Variants in CPS1 observed in about 807,000 individuals in gnomAD.
The protein encoded by CPS1 is carbamoyl-phosphate synthase [ammonia], mitochondrial.
A neutral mutation model predicts 174.6 loss-of-function variants in CPS1; 109 were observed. The observed-to-expected ratio is 0.62, with a 90% CI of 0.53 to 0.73. The LOEUF (loss-of-function observed/expected upper bound fraction) is 0.73, where lower values mean the gene tolerates loss of function less well. Among genes scored for constraint, CPS1 ranks in the 30% least tolerant of loss-of-function variants. The pLI is 0.00. For missense variants in CPS1, 1,689 were observed against 1,821.9 expected (o/e 0.93, Z 1.33); for synonymous variants, 637 against 632.0 (o/e 1.01, Z -0.12).
intron 1 of CPS1, among the ~76,000 whole-genome samples, chr2:210,522,852 ACT>A (rs1193983665): frequency 6.6e-6 from 1 of 151,950 alleles, no homozygotes; most frequent in Admixed American, 6.6e-5. Context: ...AGGTAAAAGT[ACT>A]CTGTTGTATT....
At chr2:210,485,737 A>C (rs1412513865) in intron 1 of CPS1, among the ~76,000 whole-genome samples, 1 of 152,178 alleles carries the variant, frequency 6.6e-6, no homozygotes, top group East Asian at 1.9e-4. Flanking sequence ...AGCTACAAGT[A>C]ACATGTTCAT....
chr2:210,501,293 C>T (rs1695132834), intron 1 of CPS1, among the ~76,000 whole-genome samples: 5 of 152,154 alleles, frequency 3.3e-5, no homozygotes, highest in Admixed American at 2.0e-4. Flanking sequence ...ACATTCTGCT[C>T]CTTGTTACTT....
intron 1 of CPS1, among the ~76,000 whole-genome samples, chr2:210,487,901 A>G (rs1694770818): frequency 2.0e-5 from 3 of 152,302 alleles, no homozygotes. Flanking sequence ...ACACAATACT[A>G]GAGTTTCAAA....
intron 29 of CPS1, among the ~76,000 whole-genome samples, chr2:210,655,879 T>A (rs1421268644): frequency 6.6e-6 from 1 of 152,218 alleles, no homozygotes; most frequent in Non-Finnish European, 1.5e-5. Context: ...ACACATATTA[T>A]TAACATATAG....
chr2:210,565,271 A>T (rs986521657), intron 1 of CPS1, among the ~76,000 whole-genome samples: 2 of 152,110 alleles, frequency 1.3e-5, no homozygotes, highest in Non-Finnish European at 2.9e-5. Context: ...ACTAGGCCGT[A>T]GAGACTAGTA....
intron 1 of CPS1, among the ~76,000 whole-genome samples, chr2:210,482,407 A>G (rs1037914244): frequency 1.3e-5 from 2 of 151,696 alleles, no homozygotes; most frequent in African/African-American, 4.8e-5. Flanking sequence ...GGTTCCAGCA[A>G]TTCTCCCACC....
chr2:210,571,966 G>T (rs1697514059), intron 1 of CPS1, among the ~76,000 whole-genome samples: 1 of 151,088 alleles, frequency 6.6e-6, no homozygotes, highest in Admixed American at 6.6e-5. Flanking sequence ...AGGCACTTTG[G>T]CCTCAGTCCT....
intron 5 of CPS1, among the ~76,000 whole-genome samples, chr2:210,581,248 G>A (rs917169945): frequency 2.0e-5 from 3 of 152,118 alleles, no homozygotes; most frequent in Non-Finnish European, 4.4e-5. Context: ...TTGGCAGGTT[G>A]AATAAAATAT....
chr2:210,574,297 A>G (rs901314659), intron 2 of CPS1, among the ~76,000 whole-genome samples: 2 of 152,036 alleles, frequency 1.3e-5, no homozygotes, highest in African/African-American at 2.4e-5. Context: ...ATTCAATCCA[A>G]CTAGTATTCT....
At chr2:210,660,811 A>G (rs1397880543) in intron 32 of CPS1, among the ~76,000 whole-genome samples, 156 bp downstream of exon 32, 2 of 152,246 alleles carry the variant, frequency 1.3e-5, no homozygotes, top group Non-Finnish European at 2.9e-5. Flanking sequence ...CAGTTGTACT[A>G]TAGGCAACTT....
At position 210,582,672 on chromosome 2, in the gene CPS1, C is replaced by A; in HGVS notation, c.584C>A (p.Pro195Gln). The A allele has an allele frequency of 6.8e-6, 11 of 1,613,220 alleles. No individual in the cohort carries two copies. Among genetic ancestry groups the A allele is most frequent in the Non-Finnish European group, 9.3e-6 (11 of 1,179,460 alleles). The change falls in exon 6 of 38, where the codon CCA becomes CAA. Residue 195 changes from proline to glutamine, a missense_variant. By Grantham distance (76) the Pro-to-Gln change is moderately conservative. Transcript: ENST00000233072. ...GGTCAGCCTGTGGATTTTGTGGATC[C>A]AAATAAACAGAATTTGATTGCTGAG... ...FEGQPVDFVD[P>Q]NKQNLIAEVS...
intron 28 of CPS1, among the ~76,000 whole-genome samples, chr2:210,652,259 G>A (rs1700580999): frequency 6.6e-6 from 1 of 152,200 alleles, no homozygotes; most frequent in Admixed American, 6.5e-5. Context: ...TGCAGAAGTA[G>A]TCAGGGACCA....
At chr2:210,573,273 A>G in intron 1 of CPS1, 25 bp from the exon 2 acceptor site, 1 of 1,577,242 alleles carries the variant, frequency 6.3e-7, no homozygotes, top group Non-Finnish European at 8.7e-7. Flanking sequence ...GTATTCTGCT[A>G]AGATTCATGC....
At chr2:210,527,489 A>G (rs1170725584) in intron 1 of CPS1, among the ~76,000 whole-genome samples, 1 of 151,910 alleles carries the variant, frequency 6.6e-6, no homozygotes, top group Admixed American at 6.6e-5. Flanking sequence ...TCTATTAAAT[A>G]TTAAACTGGC....
At chr2:210,630,086 AC>A (rs1003939766) in intron 21 of CPS1, among the ~76,000 whole-genome samples, 21 of 129,620 alleles carry the variant, frequency 1.6e-4, no homozygotes, top group East Asian at 6.0e-4. Flanking sequence ...AAACAAAAAA[AC>A]AAAACAAAAA....
intron 6 of CPS1, among the ~76,000 whole-genome samples, chr2:210,584,981 G>C (rs1472654593): frequency 6.6e-6 from 1 of 152,010 alleles, no homozygotes; most frequent in African/African-American, 2.4e-5. Flanking sequence ...GAAGAAGTCA[G>C]TTTCAAGAGT....
intron 36 of CPS1, 128 bp from the exon 37 acceptor site, chr2:210,676,879 G>T (rs1252733952): frequency 2.5e-6 from 2 of 793,360 alleles, no homozygotes; most frequent in African/African-American, 3.4e-5. Context: ...AGCAATAGAG[G>T]AGGGCAGATG....
intron 19 of CPS1, 124 bp downstream of exon 19, chr2:210,608,683 T>C (rs553030521): frequency 1.7e-5 from 15 of 900,318 alleles, no homozygotes; most frequent in South Asian, 1.2e-4. Context: ...AAAGGTGCAA[T>C]TGACAGTGTT....
At chr2:210,639,746 A>C (rs1431092843) in intron 23 of CPS1, among the ~76,000 whole-genome samples, 3 of 152,124 alleles carry the variant, frequency 2.0e-5, no homozygotes, top group African/African-American at 7.2e-5. Flanking sequence ...AAGGACAATG[A>C]CTACATGATC....
Sources: allele counts gnomAD v4.1 joint callset (sites outside exome capture counted in the v4.1 genomes callset), GRCh38; gene constraint gnomAD v4.1.1; transcripts MANE v1.5; gene names NCBI Gene and HGNC (gene_info 2026-07-23, HGNC 2026-07-21).